Variants in IFT122 observed in about 807,000 individuals in gnomAD.
IFT122 encodes the protein intraflagellar transport 122.
In IFT122, 118 loss-of-function variants were observed where a neutral mutation model predicts 161.6. The observed-to-expected ratio is 0.73, with a 90% CI of 0.63 to 0.85. The LOEUF (loss-of-function observed/expected upper bound fraction) is 0.85, where lower values mean the gene tolerates loss of function less well. Among genes scored for constraint, IFT122 ranks in the 40% least tolerant of loss-of-function variants. The pLI is 0.00. For missense variants in IFT122, 1,381 were observed against 1,579.6 expected, an observed-to-expected ratio of 0.87 and a Z score of 2.13; for synonymous variants, 550 against 602.4, an observed-to-expected ratio of 0.91 and a Z score of 1.27.
chr3:129,518,183 C>G (rs2084250389), intron 27 of IFT122, among the ~76,000 whole-genome samples: 1 of 152,244 alleles, frequency 6.6e-6, no homozygotes, highest in South Asian at 2.1e-4. Flanking sequence ...AGTGCCAGCC[C>G]CACATCCCCT....
intron 15 of IFT122, 149 bp from the exon 16 acceptor site, chr3:129,488,108 G>C (rs2079538766): frequency 3.1e-6 from 4 of 1,302,828 alleles, no homozygotes; most frequent in Non-Finnish European, 3.3e-6. Flanking sequence ...GGCTGGGCAG[G>C]CTGGGCAGGG....
chr3:129,460,597 A>G (rs2076113021), intron 4 of IFT122, among the ~76,000 whole-genome samples: 1 of 152,150 alleles, frequency 6.6e-6, no homozygotes, highest in Non-Finnish European at 1.5e-5. Flanking sequence ...TCCATTGTAT[A>G]TATAGACCAC....
rs1159556269 is a variant in IFT122 at position 129,512,393 on chromosome 3, C to T, written c.2968C>T (p.Pro990Ser). 7.5e-6 allele frequency: 12 copies of T among 1,610,322 alleles called. No homozygotes were observed. The highest frequency in any genetic ancestry group is 3.3e-5 in the Admixed American group (2 of 60,018). The change falls in exon 24 of 30, where the codon CCC becomes TCC. Residue 990 changes from proline to serine, a missense_variant. Physicochemically the swap from Pro to Ser is moderately conservative, Grantham distance 74. This residue lies in a region of IFT122 where 496 missense variants were observed against 502.5 expected (regional missense o/e 0.99). Transcript: ENST00000348417. The stretch of plus-strand genomic sequence containing the variant: ...GCTGCACAGCCTGCCCAAGGACACC[C>T]CCTCGGGCATCTCTAAAGTGTATCC... The part of the protein sequence containing the change: ...FLLHSLPKDT[P>S]SGISKVKILF...
intron 19 of IFT122, among the ~76,000 whole-genome samples, chr3:129,500,401 GC>G (rs2081381767): frequency 6.6e-6 from 1 of 152,168 alleles, no homozygotes; most frequent in Admixed American, 6.5e-5. Flanking sequence ...GTGTCTCCTC[GC>G]CCACCTTGCA....
chr3:129,480,381 C>T (rs1412721023), intron 13 of IFT122, among the ~76,000 whole-genome samples: 2 of 152,134 alleles, frequency 1.3e-5, no homozygotes, highest in Non-Finnish European at 2.9e-5. Context: ...GGCCCTTTGG[C>T]CAGTTAGATG....
intron 20 of IFT122, 22 bp downstream of exon 20, chr3:129,502,904 T>G: frequency 6.2e-7 from 1 of 1,604,982 alleles, no homozygotes. Flanking sequence ...GCAGGCCTCA[T>G]GGGCTGGGGC....
intron 27 of IFT122, among the ~76,000 whole-genome samples, chr3:129,518,723 C>T (rs1258826523): frequency 2.0e-5 from 3 of 152,150 alleles, no homozygotes; most frequent in South Asian, 4.1e-4. Flanking sequence ...GAGTCTGACC[C>T]GCCCTGGGGT....
intron 15 of IFT122, among the ~76,000 whole-genome samples, chr3:129,486,072 C>G (rs1290774055): frequency 6.6e-6 from 1 of 152,216 alleles, no homozygotes; most frequent in African/African-American, 2.4e-5. Context: ...TGTTTGAAAT[C>G]CAACAGCAAG....
At position 129,512,334 on chromosome 3, in the gene IFT122, G is replaced by T. The variant is rs762874935; in HGVS notation, c.2909G>T (p.Arg970Leu). The T allele has an allele frequency of 1.9e-6, 3 of 1,613,652 alleles. No homozygotes were observed. The highest frequency in any genetic ancestry group is 3.3e-5 in the Admixed American group (2 of 60,002). Residue 970 changes from arginine to leucine, a missense_variant, in exon 24 of 30, where the codon CGT (arginine) becomes CTT (leucine). Arg to Leu is a moderately radical substitution (Grantham distance 102, BLOSUM62 -2). This residue lies in a region of IFT122 where 496 missense variants were observed against 502.5 expected (regional missense o/e 0.99). Transcript: ENST00000348417. The stretch of plus-strand genomic sequence containing the variant: ...CAGGAAGATCCGTTCAGTGTCCATC[G>T]TCCTGAAACTCTTTTCAACATCTCC... Reference protein sequence around the residue: ...RHTEDPFSVHRPETLFNISRF... With the variant: ...RHTEDPFSVHLPETLFNISRF...
intron 1 of IFT122, 119 bp from the exon 2 acceptor site, chr3:129,449,752 C>A (rs1194028325): frequency 5.1e-5 from 39 of 771,038 alleles, no homozygotes; most frequent in Non-Finnish European, 4.0e-5. Flanking sequence ...CGTAGTTATT[C>A]TTTTTCTCCT....
chr3:129,440,744 C>T (rs902702374), intron 1 of IFT122, among the ~76,000 whole-genome samples: 1 of 152,214 alleles, frequency 6.6e-6, no homozygotes, highest in African/African-American at 2.4e-5. Flanking sequence ...ACGTTTTTCT[C>T]TAAATTGTCT....
In IFT122 at chr3:129,516,847, A is replaced by G. The variant is rs111211373; in HGVS notation, c.3266-622A>G. Among the ~76,000 whole-genome samples the G allele has an allele frequency of 2.9e-3, 417 of 141,962 alleles. 6 individuals carry two copies. Among genetic ancestry groups the G allele is most frequent in the African/African-American group, 0.011 (398 of 36,976 alleles). 93.1% of individuals were successfully genotyped at this position (141,962 alleles called of 152,430 possible). A position where few individuals can be genotyped will look rare whatever the true frequency, so the allele number is the denominator to read the frequency against. ...ACACACAGAGACTGCCCCTGCACAC[A>G]CACACACACAGAGGCTGCCCCTGCA... On this transcript the variant is annotated intron_variant, in intron 26 of 29. Coordinates refer to ENST00000348417, the MANE Select transcript of IFT122 (RefSeq NM_052989.3).
At chr3:129,470,006 T>C (rs1484724132) in intron 9 of IFT122, among the ~76,000 whole-genome samples, 1 of 152,114 alleles carries the variant, frequency 6.6e-6, no homozygotes, top group African/African-American at 2.4e-5. Context: ...GTAACATCAC[T>C]ACTTGGTAGA....
At chr3:129,500,862 C>G (rs2081448620) in intron 19 of IFT122, among the ~76,000 whole-genome samples, 1 of 152,174 alleles carries the variant, frequency 6.6e-6, no homozygotes, top group African/African-American at 2.4e-5. Context: ...CACCTACAGT[C>G]AGACACCCCC....
chr3:129,458,716 T>A, intron 4 of IFT122, 39 bp downstream of exon 4: 2 of 1,413,478 alleles, frequency 1.4e-6, no homozygotes, highest in Non-Finnish European at 2.0e-6. Context: ...AGTTTGATGC[T>A]TATTGAATAA....
At chr3:129,459,174 AG>A (rs2075873413) in intron 4 of IFT122, 1 of 396,896 alleles carries the variant, frequency 2.5e-6, no homozygotes. Context: ...AGACTGGAAC[AG>A]GTCTCTTTCG....
intron 5 of IFT122, among the ~76,000 whole-genome samples, chr3:129,462,235 TAAA>T (rs1375713003): frequency 6.6e-6 from 1 of 152,234 alleles, no homozygotes; most frequent in Non-Finnish European, 1.5e-5. Context: ...ACTGGAATAT[TAAA>T]AAGGCAAAAT....
In IFT122 at chr3:129,520,386, G is replaced by C. The variant is rs536919948; in HGVS notation, c.*121G>C. On this transcript the variant is annotated 3_prime_UTR_variant, in exon 30 of 30. Coordinates refer to ENST00000348417, the MANE Select transcript of IFT122 (RefSeq NM_052989.3). ...TGCCCAGATGAAGTTTGTGTTTTGT[G>C]GGGGGGGCCTTGTGTAACCACGGAA... 7.0e-5 allele frequency: 57 copies of C among 814,164 alleles called. No individual in the cohort carries two copies. Among genetic ancestry groups the C allele is most frequent in the South Asian group, 3.2e-4 (22 of 69,694 alleles). 50.4% of individuals were successfully genotyped at this position (814,164 alleles called of 1,614,324 possible).
chr3:129,511,337 G>T (rs973332059), intron 23 of IFT122, among the ~76,000 whole-genome samples: 1 of 152,304 alleles, frequency 6.6e-6, no homozygotes, highest in East Asian at 1.9e-4. Context: ...AGAAATTTAC[G>T]TGTGAACTAA....
Sources: gnomAD v4.1 joint callset for allele counts (sites outside exome capture counted in the v4.1 genomes callset) on GRCh38, gnomAD v4.1.1 for gene constraint, gnomAD v4.1.1 regional missense constraint, MANE v1.5 for transcripts, NCBI Gene and HGNC (gene_info 2026-07-23, HGNC 2026-07-21) for gene names.